OR7E24: variants seen among roughly 807,000 people sequenced by gnomAD.
OR7E24 encodes olfactory receptor family 7 subfamily E member 24.
For synonymous variants in OR7E24, 130 were observed against 157.5 expected, an observed-to-expected ratio of 0.83 and a Z score of 1.31; for missense variants, 385 against 410.3, an observed-to-expected ratio of 0.94 and a Z score of 0.53.
the OR7E24 span, among the ~76,000 whole-genome samples, chr19:9,225,655 T>C: frequency 6.6e-6 from 1 of 152,088 alleles, no homozygotes; most frequent in Non-Finnish European, 1.5e-5. Context: ...TGGCCTCTCT[T>C]CCCTAAAACG....
At chr19:9,246,474 G>A (rs1441561534), upstream of OR7E24, among the ~76,000 whole-genome samples, 3 of 140,264 alleles carry the variant, frequency 2.1e-5, no homozygotes, top group East Asian at 6.1e-4. Context: ...TATTGTGTGT[G>A]TGTGTGTGTG....
At chr19:9,212,676 G>C in the OR7E24 span, 1 of 152,120 alleles carries the variant, frequency 6.6e-6, no homozygotes, top group Non-Finnish European at 1.5e-5. Flanking sequence ...ATATTACTAG[G>C]AACCATTTGA....
the OR7E24 span, among the ~76,000 whole-genome samples, chr19:9,216,174 C>A: frequency 5.3e-5 from 8 of 152,134 alleles, no homozygotes; most frequent in African/African-American, 9.7e-5. Context: ...CATGGGAATT[C>A]AAGATGAGAT....
At chr19:9,214,021 T>A in the OR7E24 span, 5 of 1,613,908 alleles carry the variant, frequency 3.1e-6, no homozygotes, top group Non-Finnish European at 4.2e-6. Flanking sequence ...ACTGAGGCGG[T>A]GGAGCTGCTC....
At chr19:9,232,797 C>G in the OR7E24 span, among the ~76,000 whole-genome samples, 1 of 152,098 alleles carries the variant, frequency 6.6e-6, no homozygotes, top group African/African-American at 2.4e-5. Context: ...TGGCGTGAGG[C>G]AGCGAACCTC....
chr19:9,243,692 C>G (rs977258485), upstream of OR7E24, among the ~76,000 whole-genome samples: 1 of 152,154 alleles, frequency 6.6e-6, no homozygotes, highest in African/African-American at 2.4e-5. Flanking sequence ...AATTCCACAC[C>G]ACCCTCAAAT....
At chr19:9,229,470 G>A in the OR7E24 span, among the ~76,000 whole-genome samples, 3 of 151,878 alleles carry the variant, frequency 2.0e-5, no homozygotes, top group African/African-American at 7.2e-5. Flanking sequence ...GGGAGGCAGA[G>A]GTTGCAGTGA....
At chr19:9,216,614 C>T in the OR7E24 span, among the ~76,000 whole-genome samples, 61 of 151,706 alleles carry the variant, frequency 4.0e-4, no homozygotes, top group Non-Finnish European at 5.7e-4. Flanking sequence ...TTTTTTGAGA[C>T]AGAGTCTCAC....
the OR7E24 span, among the ~76,000 whole-genome samples, chr19:9,226,961 G>A: frequency 6.6e-6 from 1 of 152,108 alleles, no homozygotes; most frequent in Non-Finnish European, 1.5e-5. Flanking sequence ...CTGGGTCATA[G>A]GGGTTTGTTG....
chr19:9,227,944 G>A, the OR7E24 span, among the ~76,000 whole-genome samples: 308 of 151,044 alleles, frequency 2.0e-3, 1 homozygote, highest in African/African-American at 7.1e-3. Context: ...TAGTAGAGAC[G>A]GGGTTTCACC....
chr19:9,229,738 GA>G, the OR7E24 span, among the ~76,000 whole-genome samples: 1 of 152,042 alleles, frequency 6.6e-6, no homozygotes, highest in Non-Finnish European at 1.5e-5. Flanking sequence ...TTGGAGGGTG[GA>G]AAAACAATAG....
the OR7E24 span, chr19:9,213,935 C>G: frequency 6.2e-7 from 1 of 1,613,986 alleles, no homozygotes; most frequent in African/African-American, 1.3e-5. Context: ...GGAGTCTTTC[C>G]AGGGCCCCCT....
chr19:9,248,123 A>G (rs2066135623), upstream of OR7E24, among the ~76,000 whole-genome samples: 1 of 152,192 alleles, frequency 6.6e-6, no homozygotes, highest in Non-Finnish European at 1.5e-5. Context: ...CATCTCACCC[A>G]GGATAGCAAA....
chr19:9,227,245 T>C, the OR7E24 span, among the ~76,000 whole-genome samples: 1 of 152,056 alleles, frequency 6.6e-6, no homozygotes, highest in Non-Finnish European at 1.5e-5. Context: ...CTCTTTTTTT[T>C]TTTTTTCCAG....
At chr19:9,237,334 G>A in the OR7E24 span, among the ~76,000 whole-genome samples, 4 of 150,264 alleles carry the variant, frequency 2.7e-5, no homozygotes, top group African/African-American at 9.8e-5. Context: ...TTTTTGAGAC[G>A]GAGTCTCGCT....
At chr19:9,248,007 T>C (rs75049888), upstream of OR7E24, among the ~76,000 whole-genome samples, 374 of 152,340 alleles carry the variant, frequency 2.5e-3, no homozygotes, top group African/African-American at 8.4e-3. Context: ...TTTGTTAGCC[T>C]CTTAGCATAT....
the OR7E24 span, among the ~76,000 whole-genome samples, chr19:9,237,380 G>A: frequency 6.6e-6 from 1 of 151,774 alleles, no homozygotes; most frequent in Non-Finnish European, 1.5e-5. Flanking sequence ...GCACGATCTC[G>A]GCTCACTGCA....
Position 9,251,311 on chromosome 19 carries a change from G to A in OR7E24, c.268G>A (p.Gly90Ser), listed in dbSNP as rs760136199. Residue 90 changes from glycine (G) to serine (S), a missense_variant, in exon 1 of 1, where the codon GGT becomes AGT. By Grantham distance (56) the Gly-to-Ser change is moderately conservative (BLOSUM62 0). Transcript: ENST00000456448. ...FLSNLSLADI[G>S]FTSTTVPKMI... is the part of the protein sequence containing the mutation. The stretch of plus-strand genomic sequence containing the variant: ...CTCCAACCTGTCCTTGGCTGACATC[G>A]GTTTCACCTCCACCACGGTCCCCAA... 3.8e-5 allele frequency: 62 copies of A among 1,613,854 alleles called. No individual in the cohort carries two copies. Among genetic ancestry groups the A allele is most frequent in the South Asian group, 3.4e-4 (31 of 91,070 alleles).
chr19:9,247,697 A>G (rs117528832), upstream of OR7E24, among the ~76,000 whole-genome samples: 1,638 of 152,298 alleles, frequency 0.011, 14 homozygotes, highest in Middle Eastern at 0.027. Flanking sequence ...CTTTCATTTC[A>G]TATTGCTGCA....
Sources: gnomAD v4.1 joint callset for allele counts (sites outside exome capture counted in the v4.1 genomes callset) on GRCh38, gnomAD v4.1.1 for gene constraint, MANE v1.5 for transcripts, NCBI Gene and HGNC (gene_info 2026-07-23, HGNC 2026-07-21) for gene names.